Variants in RHOT1 observed in about 807,000 individuals in gnomAD.
RHOT1 encodes the protein mitochondrial Rho GTPase 1.
RHOT1 carries 27 observed loss-of-function variants against 95.3 expected under a neutral mutation model. That is an observed-to-expected ratio of 0.28 (90% CI 0.21 to 0.39). The LOEUF (loss-of-function observed/expected upper bound fraction) is 0.39, where lower values mean the gene tolerates loss of function less well. Among genes scored for constraint, RHOT1 ranks in the 10% least tolerant of loss-of-function variants. RHOT1 has a pLI of 1.00. For synonymous variants in RHOT1, 227 were observed against 263.5 expected, an observed-to-expected ratio of 0.86 and a Z score of 1.34; for missense variants, 578 against 786.7, an observed-to-expected ratio of 0.73 and a Z score of 3.17.
chr17:32,197,848 C>T (rs2037018832), intron 11 of RHOT1, among the ~76,000 whole-genome samples: 2 of 152,188 alleles, frequency 1.3e-5, no homozygotes, highest in East Asian at 3.9e-4. Flanking sequence ...GCTGGGATTA[C>T]AGGCGTGAGC....
intron 12 of RHOT1, 54 bp from the exon 13 acceptor site, chr17:32,199,351 T>C: frequency 6.5e-7 from 1 of 1,528,718 alleles, no homozygotes; most frequent in South Asian, 1.2e-5. Flanking sequence ...GGCTTTTGAG[T>C]TGGGAATTAT....
At chr17:32,197,836 G>A (rs1027059935) in intron 11 of RHOT1, among the ~76,000 whole-genome samples, 11 of 152,036 alleles carry the variant, frequency 7.2e-5, no homozygotes, top group Non-Finnish European at 1.6e-4. Flanking sequence ...GCCTCCCAAA[G>A]TGCTGGGATT....
In RHOT1 at chr17:32,204,125, C is replaced by T. The variant is rs747406805; in HGVS notation, c.1416+152C>T. On this transcript the variant is annotated intron_variant, in intron 16 of 19. Transcript: ENST00000545287. ...AATTTTTTTTAGAGACACGGTCTCA[C>T]TATGTTGCCCTGGCGAGCTCTTGGG... 164 of 607,010 alleles carry T rather than the reference C, an allele frequency of 2.7e-4. 1 individual carries two copies. The highest frequency in any genetic ancestry group is 4.1e-4 in the Non-Finnish European group (145 of 356,086). 37.6% of individuals were successfully genotyped at this position (607,010 alleles called of 1,614,324 possible).
chr17:32,223,742 A>G (rs2038977930), intron 19 of RHOT1, among the ~76,000 whole-genome samples: 1 of 152,000 alleles, frequency 6.6e-6, no homozygotes, highest in Admixed American at 6.6e-5. Flanking sequence ...CATCATCTCA[A>G]TTGTGTTCAC....
chr17:32,191,500 C>T (rs906096969), intron 8 of RHOT1, among the ~76,000 whole-genome samples: 2 of 152,056 alleles, frequency 1.3e-5, no homozygotes, highest in Non-Finnish European at 2.9e-5. Context: ...AGTGTAGAAG[C>T]ATGTGGGCCT....
chr17:32,182,731 A>G (rs1342568771), intron 6 of RHOT1, 26 bp from the exon 7 acceptor site: 3 of 1,304,960 alleles, frequency 2.3e-6, no homozygotes, highest in Non-Finnish European at 3.2e-6. Context: ...TGCCTTCCTT[A>G]TTACAATGTG....
At chr17:32,149,404 T>A (rs2031870799) in intron 1 of RHOT1, among the ~76,000 whole-genome samples, 1 of 150,684 alleles carries the variant, frequency 6.6e-6, no homozygotes. Context: ...TAAAAATATA[T>A]AGTGTTTATA....
chr17:32,169,468 ACTTT>A (rs1281751815), intron 1 of RHOT1, among the ~76,000 whole-genome samples: 1 of 152,176 alleles, frequency 6.6e-6, no homozygotes, highest in Non-Finnish European at 1.5e-5. Flanking sequence ...GTAATAGGAG[ACTTT>A]CTTTGCTTTT....
chr17:32,206,710 C>G (rs757935312), intron 16 of RHOT1, among the ~76,000 whole-genome samples, 200 bp from the exon 17 acceptor site: 3 of 151,998 alleles, frequency 2.0e-5, no homozygotes, highest in Admixed American at 1.3e-4. Context: ...ACCTCGGCCT[C>G]CCAAAGTGCT....
At chr17:32,202,338 G>A (rs1375282192) in intron 14 of RHOT1, among the ~76,000 whole-genome samples, 3 of 152,068 alleles carry the variant, frequency 2.0e-5, no homozygotes, top group South Asian at 2.1e-4. Context: ...GTCCCTTTCC[G>A]TTTTATGGAT....
chr17:32,214,728 AGATT>A (rs964765771), intron 19 of RHOT1, among the ~76,000 whole-genome samples: 4 of 150,790 alleles, frequency 2.7e-5, no homozygotes, highest in South Asian at 2.1e-4. Flanking sequence ...GGCACAAAAA[AGATT>A]GATTGACTAA....
chr17:32,152,712 A>G (rs1186102942), intron 1 of RHOT1, among the ~76,000 whole-genome samples: 5 of 152,106 alleles, frequency 3.3e-5, no homozygotes, highest in Admixed American at 6.6e-5. Flanking sequence ...AAGAGATCCT[A>G]TGTGATTGGG....
At chr17:32,175,867 TC>T in intron 4 of RHOT1, 94 bp from the exon 5 acceptor site, 2 of 772,430 alleles carry the variant, frequency 2.6e-6, no homozygotes, top group Non-Finnish European at 3.9e-6. Context: ...AATTTTTTCT[TC>T]CTTTCACCCG....
chr17:32,175,290 A>T, intron 3 of RHOT1, 29 bp from the exon 4 acceptor site: 2 of 1,605,282 alleles, frequency 1.2e-6, no homozygotes, highest in Non-Finnish European at 1.7e-6. Flanking sequence ...TGTCTGCAAT[A>T]TGAAACATTG....
At chr17:32,195,259 C>CTTTT (rs1332412571) in intron 11 of RHOT1, among the ~76,000 whole-genome samples, 1 of 151,804 alleles carries the variant, frequency 6.6e-6, no homozygotes, top group Non-Finnish European at 1.5e-5. Flanking sequence ...CAATGCCTGG[C>CTTTT]TTTTTTTTCT....
rs753579998 is a variant in RHOT1 at position 32,208,186 on chromosome 17, G to A, written c.1616G>A (p.Ser539Asn). The A allele has an allele frequency of 3.1e-6, 5 of 1,614,036 alleles. No individual in the cohort carries two copies. The Admixed American group carries it at 8.3e-5, about 27-fold the overall frequency. Residue 539 changes from serine to asparagine, a missense_variant, in exon 18 of 20, where the codon AGT (serine) becomes AAT (asparagine). Physicochemically the swap from Ser to Asn is conservative, Grantham distance 46. Around this residue, in one of 4 missense-constraint regions of RHOT1, gnomAD observed 296 missense variants for 338.5 expected, o/e 0.87. Coordinates refer to ENST00000545287, the MANE Select transcript of RHOT1 (RefSeq NM_001033566.3). ...SDLHEVKQEY[S>N]ISPTDFCRKH... is the part of the protein sequence containing the mutation. Reference sequence around the variant, plus strand: ...CTGCATGAAGTTAAACAAGAATACAGTATTTCACCTACTGATTTCTGCAGG... The same window carrying A: ...CTGCATGAAGTTAAACAAGAATACAATATTTCACCTACTGATTTCTGCAGG...
rs758139155 is a variant in RHOT1, at chr17:32,142,673, G to A, written c.-20G>A. 2 of 1,526,614 alleles carry A rather than the reference G, an allele frequency of 1.3e-6. No homozygotes were observed. 94.6% of individuals were successfully genotyped at this position (1,526,614 alleles called of 1,614,324 possible). Reference sequence around the variant, plus strand: ...CACTCCGTGCGTGCGGGCGGAGGCCGGCCCCCGAGAGCCGCCGACATGAAG... The same window carrying A: ...CACTCCGTGCGTGCGGGCGGAGGCCAGCCCCCGAGAGCCGCCGACATGAAG... On this transcript the variant is annotated 5_prime_UTR_variant, in exon 1 of 20. Coordinates refer to ENST00000545287, the MANE Select transcript of RHOT1 (RefSeq NM_001033566.3).
chr17:32,147,078 C>T (rs888485198), intron 1 of RHOT1, among the ~76,000 whole-genome samples: 10 of 148,732 alleles, frequency 6.7e-5, no homozygotes, highest in African/African-American at 2.5e-4. Context: ...AGAGTCTCAC[C>T]CTGTCACCCA....
At chr17:32,147,884 T>G (rs1380683642) in intron 1 of RHOT1, among the ~76,000 whole-genome samples, 2 of 151,708 alleles carry the variant, frequency 1.3e-5, no homozygotes, top group African/African-American at 4.9e-5. Context: ...CTGGGTAATA[T>G]TCTATGGCCA....
Sources: gnomAD v4.1 joint callset for allele counts (sites outside exome capture counted in the v4.1 genomes callset) on GRCh38, gnomAD v4.1.1 for gene constraint, gnomAD v4.1.1 regional missense constraint, MANE v1.5 for transcripts, NCBI Gene and HGNC (gene_info 2026-07-23, HGNC 2026-07-21) for gene names.